CTC1: variants seen among roughly 807,000 people sequenced by gnomAD.
The protein encoded by CTC1 is CST telomere replication complex component 1.
A neutral mutation model predicts 136.3 loss-of-function variants in CTC1; 91 were observed. The ratio of observed to expected loss-of-function variants is 0.67; its 90% CI spans 0.56 to 0.79. CTC1 has a LOEUF of 0.79. CTC1 is among the 30% of genes least tolerant of loss of function. The pLI is 0.00. For synonymous variants in CTC1, 606 were observed against 613.8 expected (o/e 0.99, Z 0.19); for missense variants, 1,432 against 1,498.1 (o/e 0.96, Z 0.73).
intron 1 of CTC1, among the ~76,000 whole-genome samples, chr17:8,244,917 T>C (rs1456360619): frequency 6.6e-6 from 1 of 152,080 alleles, no homozygotes; most frequent in Non-Finnish European, 1.5e-5. Flanking sequence ...AACAGTAGAC[T>C]GGATAAAGAA....
rs371126383 is a variant in CTC1 at position 8,226,761 on chromosome 17, G to A, written c.*1419C>T. ...TTGACTGACAAACATCTGCCTCCAT[G>A]AAAGCGCTTCAGGGAAAAAAAGACG... On this transcript the variant is annotated 3_prime_UTR_variant, in exon 23 of 23. Coordinates refer to ENST00000651323, the MANE Select transcript of CTC1 (RefSeq NM_025099.6). 5 of 152,128 alleles carry A rather than the reference G, an allele frequency of 3.3e-5. No individual in the cohort carries two copies. The highest frequency in any genetic ancestry group is 7.2e-5 in the African/African-American group (3 of 41,416). 9.4% of individuals were successfully genotyped at this position (152,128 alleles called of 1,614,324 possible).
chr17:8,242,854 G>T (rs1384927862), intron 2 of CTC1, 131 bp downstream of exon 2: 18 of 660,254 alleles, frequency 2.7e-5, no homozygotes, highest in Non-Finnish European at 4.3e-5. Flanking sequence ...CTGCAGAAGG[G>T]GTATGTTTAG....
intron 2 of CTC1, 98 bp downstream of exon 2, chr17:8,242,887 C>G (rs1988387785): frequency 1.8e-6 from 2 of 1,130,754 alleles, no homozygotes; most frequent in Non-Finnish European, 2.5e-6. Context: ...TCCGCTCACT[C>G]TCTCACTTGC....
intron 1 of CTC1, among the ~76,000 whole-genome samples, chr17:8,244,682 C>T (rs571040053): frequency 1.3e-5 from 2 of 152,312 alleles, no homozygotes; most frequent in Admixed American, 1.3e-4. Flanking sequence ...TCCACCACCA[C>T]ACCCAGCTAA....
intron 20 of CTC1, 96 bp from the exon 21 acceptor site, chr17:8,228,988 T>C: frequency 6.7e-7 from 1 of 1,499,360 alleles, no homozygotes; most frequent in Non-Finnish European, 9.1e-7. Context: ...CTGCAGTCTT[T>C]GGCTCACAGA....
At chr17:8,237,348 C>A in intron 5 of CTC1, 27 bp downstream of exon 5, 1 of 1,613,454 alleles carries the variant, frequency 6.2e-7, no homozygotes, top group South Asian at 1.1e-5. Context: ...CCCCCACTTC[C>A]ATGGCTGAAA....
In CTC1 at chr17:8,229,208, T is replaced by G; in HGVS notation, c.3157-2A>C. 1.2e-6 allele frequency: 2 copies of G among 1,614,198 alleles called. No individual in the cohort carries two copies. Among genetic ancestry groups the G allele is most frequent in the Non-Finnish European group, 8.5e-7 (1 of 1,180,024 alleles). On this transcript the variant is annotated splice_acceptor_variant, in intron 19 of 22. Transcript: ENST00000651323. LOFTEE classifies it high-confidence loss of function. ...GGAGCCCAGGCGAGTGCACTTTCCC[T>G]GGGATGAAGACAGTGGTTGGAAAAG... is the stretch of plus-strand genomic sequence containing the variant.
intron 20 of CTC1, 98 bp from the exon 21 acceptor site, chr17:8,228,990 G>C (rs2151499437): frequency 6.7e-7 from 1 of 1,495,838 alleles, no homozygotes; most frequent in Non-Finnish European, 9.1e-7. Context: ...GCAGTCTTTG[G>C]CTCACAGATT....
chr17:8,243,012 T>C lies in CTC1; in HGVS notation c.170A>G (p.Gln57Arg), dbSNP rs371868360. 1.2e-6 allele frequency: 2 copies of C among 1,613,198 alleles called. No homozygotes were observed. The highest frequency in any genetic ancestry group is 1.7e-6 in the Non-Finnish European group (2 of 1,179,636). ...KTVWLSQGRNQGSTLPLSYSF... is the reference protein window; with the variant it reads ...KTVWLSQGRNRGSTLPLSYSF... ...ATAGCTGAGGGGCAGTGTAGAACCT[T>C]GGTTCCTTCCCTGGGACAACCAGAC... The change falls in exon 2 of 23, where the codon CAA (glutamine) becomes CGA (arginine). Residue 57 changes from glutamine (Q) to arginine (R), a missense_variant. Transcript: ENST00000651323.
chr17:8,232,889 A>G lies in CTC1; in HGVS notation c.1945+17T>C. 1.2e-6 allele frequency: 2 copies of G among 1,612,710 alleles called. No homozygotes were observed. Among genetic ancestry groups the G allele is most frequent in the Non-Finnish European group, 1.7e-6 (2 of 1,179,332 alleles). On this transcript the variant is annotated intron_variant, in intron 11 of 22. Transcript: ENST00000651323. The stretch of plus-strand genomic sequence containing the variant: ...ACCATCCCACTACCATCTTCTTTCC[A>G]CATCTGAACTCCAAACCTATCAGCC...
At position 8,231,955 on chromosome 17, in the gene CTC1, C is replaced by A; in HGVS notation, c.2333G>T (p.Gly778Val). Residue 778 changes from glycine (G) to valine (V), a missense_variant, in exon 13 of 23, where the codon GGT (glycine) becomes GTT (valine). Physicochemically the swap from Gly to Val is moderately radical, Grantham distance 109. Transcript: ENST00000651323. ...GGGCTCGGGCAGCCCCCATCCAGTA[C>A]CCTCCTTCCTCTGGGTGCCCCCAAG... is the stretch of plus-strand genomic sequence containing the variant. ...SWLGGTQRKE[G>V]TGWGLPEPQG... 6.2e-7 allele frequency: 1 copy of A among 1,612,778 alleles called. No individual in the cohort carries two copies. Among genetic ancestry groups the A allele is most frequent in the Non-Finnish European group, 8.5e-7 (1 of 1,179,416 alleles).
At chr17:8,229,550 G>A (rs1987034667) in intron 18 of CTC1, 104 bp from the exon 19 acceptor site, 3 of 957,272 alleles carry the variant, frequency 3.1e-6, no homozygotes, top group African/African-American at 3.3e-5. Context: ...GCATCAGGAT[G>A]GGGACAGCAG....
In CTC1 at chr17:8,236,144, G is replaced by T. The variant is rs750746817; in HGVS notation, c.991C>A (p.Pro331Thr). The stretch of plus-strand genomic sequence containing the variant: ...TTGCTGGGCATGGGGAGTGGCTTGG[G>T]GTCAGCCTCTAAGAGGGGTCCTTCC... The part of the protein sequence containing the change: ...ELEGPLLEAD[P>T]KPLPMPSNSE... The change falls in exon 6 of 23, where the codon CCC (proline) becomes ACC (threonine). Residue 331 changes from proline (P) to threonine (T), a missense_variant. Coordinates refer to ENST00000651323, the MANE Select transcript of CTC1 (RefSeq NM_025099.6). 41 of 1,614,062 alleles carry T rather than the reference G, an allele frequency of 2.5e-5. No homozygotes were observed. The highest frequency in any genetic ancestry group is 3.3e-5 in the Non-Finnish European group (39 of 1,180,048).
At position 8,227,037 on chromosome 17, in the gene CTC1, A is replaced by C. The variant is rs1386687569; in HGVS notation, c.*1143T>G. The stretch of plus-strand genomic sequence containing the variant: ...CCGCGACCTTGGCGTTATTAGCACC[A>C]CGCTCTAACCAACTGAGCTAACCGG... On this transcript the variant is annotated 3_prime_UTR_variant, in exon 23 of 23. Coordinates refer to ENST00000651323, the MANE Select transcript of CTC1 (RefSeq NM_025099.6). The C allele has an allele frequency of 1.3e-5, 2 of 151,564 alleles. No homozygotes were observed. Among genetic ancestry groups the C allele is most frequent in the African/African-American group, 4.9e-5 (2 of 40,480 alleles). 9.4% of individuals were successfully genotyped at this position (151,564 alleles called of 1,614,324 possible).
chr17:8,229,404 A>G lies in CTC1; in HGVS notation c.3054T>C (p.Gly1018=). 6.2e-7 allele frequency: 1 copy of G among 1,613,928 alleles called. No individual in the cohort carries two copies. The highest frequency in any genetic ancestry group is 2.2e-5 in the East Asian group (1 of 44,886). ...PHIYLAELLQ[G]GQSPFQATAS... ...CAGTGGCCTGGAATGGGGACTGACC[A>G]CCCTGCAGAAGTTCAGCCAGGTAGA... is the stretch of plus-strand genomic sequence containing the variant. Residue 1018 remains glycine, a synonymous_variant, in exon 19 of 23, where the codon GGT becomes GGC. Transcript: ENST00000651323.
chr17:8,231,668 T>C (rs1987238979), intron 14 of CTC1, 58 bp downstream of exon 14: 7 of 1,524,226 alleles, frequency 4.6e-6, no homozygotes, highest in Non-Finnish European at 6.4e-6. Context: ...ATGCCCTCTT[T>C]AGACCCCAAC....
chr17:8,230,871 C>G, intron 15 of CTC1: 1 of 564,068 alleles, frequency 1.8e-6, no homozygotes, highest in Non-Finnish European at 3.2e-6. Context: ...CAAGGTGGCT[C>G]ACGCCCCTAA....
Position 8,228,530 on chromosome 17 carries a change from T to C in CTC1, c.3487A>G (p.Arg1163Gly). Reference sequence around the variant, plus strand: ...AATGGGACGATCTTCGACGGTTTCCTTTCCAGCTCAAAAGAAAGCACAATA... The same window carrying C: ...AATGGGACGATCTTCGACGGTTTCCCTTCCAGCTCAAAAGAAAGCACAATA... ...RPIVLSFELE[R>G]KPSKIVPLEP... Residue 1163 changes from arginine to glycine, a missense_variant, in exon 22 of 23, where the codon AGG (arginine) becomes GGG (glycine). Arg to Gly is a moderately radical substitution (Grantham distance 125). Transcript: ENST00000651323. The C allele has an allele frequency of 6.2e-7, 1 of 1,614,124 alleles. No homozygotes were observed. Among genetic ancestry groups the C allele is most frequent in the Non-Finnish European group, 8.5e-7 (1 of 1,180,020 alleles).
Position 8,228,797 on chromosome 17 carries a change from G to C in CTC1, c.3317C>G (p.Ser1106Cys). The change falls in exon 21 of 23, where the codon TCC becomes TGC. Residue 1106 changes from serine (S) to cysteine (C), a missense_variant. Ser to Cys is a moderately radical substitution (Grantham distance 112). Coordinates refer to ENST00000651323, the MANE Select transcript of CTC1 (RefSeq NM_025099.6). ...TGGCACTTGGACGAAATCTAGGAGG[G>C]AGGCCCACTCTCTAGGACACAGCCC... The part of the protein sequence containing the change: ...ALGLCPREWA[S>C]LLDFVQVPGR... 5 of 1,614,106 alleles carry C rather than the reference G, an allele frequency of 3.1e-6. No individual in the cohort carries two copies. The South Asian group carries it at 5.5e-5, about 18-fold the overall frequency.
Sources: allele counts gnomAD v4.1 joint callset (sites outside exome capture counted in the v4.1 genomes callset), GRCh38; gene constraint gnomAD v4.1.1; transcripts MANE v1.5; gene names NCBI Gene and HGNC (gene_info 2026-07-23, HGNC 2026-07-21).